GPLD1: variants seen among roughly 807,000 people sequenced by gnomAD.
The protein encoded by GPLD1 is phosphatidylinositol-glycan-specific phospholipase D.
GPLD1 carries 84 observed loss-of-function variants against 112.6 expected under a neutral mutation model. The ratio of observed to expected loss-of-function variants is 0.75; its 90% CI spans 0.63 to 0.89. GPLD1 has a LOEUF of 0.89. Ranked by LOEUF, GPLD1 falls within the 40% of genes least tolerant of loss-of-function variation. GPLD1 has a pLI of 0.00. For synonymous variants in GPLD1, 386 were observed against 403.8 expected (o/e 0.96, Z 0.53); for missense variants, 1,044 against 1,051.5 (o/e 0.99, Z 0.10).
At chr6:24,478,423 T>C (rs1022646900) in intron 3 of GPLD1, among the ~76,000 whole-genome samples, 1 of 152,116 alleles carries the variant, frequency 6.6e-6, no homozygotes, top group Non-Finnish European at 1.5e-5. Flanking sequence ...CATCACTGAA[T>C]TAAAGGAATG....
rs9467174 is a variant in GPLD1, at chr6:24,461,049, C to T, written c.888-650G>A. Among the ~76,000 whole-genome samples, 225 of 152,124 alleles carry T rather than the reference C, an allele frequency of 1.5e-3. 1 individual carries two copies. Among genetic ancestry groups the T allele is most frequent in the Middle Eastern group, 6.8e-3 (2 of 294 alleles). Reference sequence around the variant, plus strand: ...TGAGCCATCACGCCCAGCCAGCATACTGATTTATCTTCAAAGACATGCTAA... The same window carrying T: ...TGAGCCATCACGCCCAGCCAGCATATTGATTTATCTTCAAAGACATGCTAA... On this transcript the variant is annotated intron_variant, in intron 11 of 24. Coordinates refer to ENST00000230036, the MANE Select transcript of GPLD1 (RefSeq NM_001503.4).
chr6:24,438,113 G>A (rs954832114), intron 20 of GPLD1, among the ~76,000 whole-genome samples: 4 of 152,190 alleles, frequency 2.6e-5, no homozygotes, highest in Non-Finnish European at 5.9e-5. Context: ...AGTGCCTTCT[G>A]AATACCCACG....
chr6:24,468,424 A>G (rs114687023), intron 7 of GPLD1, among the ~76,000 whole-genome samples: 14,069 of 152,166 alleles, frequency 0.092, 883 homozygotes, highest in South Asian at 0.15. Flanking sequence ...TGTAAACTGC[A>G]TTTTCAGTGA....
At chr6:24,440,894 A>T (rs935110399) in intron 20 of GPLD1, among the ~76,000 whole-genome samples, 4 of 152,114 alleles carry the variant, frequency 2.6e-5, no homozygotes, top group African/African-American at 7.2e-5. Flanking sequence ...CATTTAGGCT[A>T]TTTCTAGCTT....
At chr6:24,482,284 CTTTT>C (rs1561858061) in intron 2 of GPLD1, among the ~76,000 whole-genome samples, 2 of 126,822 alleles carry the variant, frequency 1.6e-5, no homozygotes, top group South Asian at 4.3e-4. Context: ...TATTTTTTTT[CTTTT>C]TTTCTTTTTT....
chr6:24,454,149 C>T lies in GPLD1; in HGVS notation c.1201G>A (p.Gly401Ser), dbSNP rs1490888003. The change falls in exon 14 of 25, where the codon GGC becomes AGC. Residue 401 changes from glycine to serine, a missense_variant. Gly to Ser is a moderately conservative substitution (Grantham distance 56). Transcript: ENST00000230036. ...CCGGGGCGGCTGTAGCCTGGTGCGC[C>T]CACCACGAGGTCACCGTGCCCATCC... is the stretch of plus-strand genomic sequence containing the variant. Reference protein sequence around the residue: ...NQDGHGDLVVGAPGYSRPGHI... With the variant: ...NQDGHGDLVVSAPGYSRPGHI... 1.2e-6 allele frequency: 2 copies of T among 1,613,948 alleles called. No homozygotes were observed. Among genetic ancestry groups the T allele is most frequent in the Non-Finnish European group, 1.7e-6 (2 of 1,179,930 alleles).
chr6:24,457,178 A>C (rs1026282353), intron 12 of GPLD1, among the ~76,000 whole-genome samples: 2 of 152,178 alleles, frequency 1.3e-5, no homozygotes, highest in Non-Finnish European at 2.9e-5. Flanking sequence ...GGGGACTAAA[A>C]TTTTTTAAAA....
intron 20 of GPLD1, among the ~76,000 whole-genome samples, chr6:24,440,581 C>CAAAAAAAAAAAAAAA (rs58480061): frequency 8.4e-5 from 10 of 118,530 alleles, no homozygotes; most frequent in Non-Finnish European, 1.6e-4. Flanking sequence ...AAAAAATACT[C>CAAAAAAAAAAAAAAA]AAAAAAAAAA....
intron 1 of GPLD1, among the ~76,000 whole-genome samples, chr6:24,486,793 G>A (rs1220131673): frequency 1.4e-5 from 2 of 147,416 alleles, no homozygotes; most frequent in Non-Finnish European, 3.0e-5. Flanking sequence ...ACTCCAGCCT[G>A]GGCAACAGAG....
rs543801784 is a variant in GPLD1, at chr6:24,480,340, T to C, written c.154-381A>G. Reference sequence around the variant, plus strand: ...TTTTGTTGCTGTTGTTGTTTGTTTGTGTTTTGAGATGGAGTTTTGCTCTTT... The same window carrying C: ...TTTTGTTGCTGTTGTTGTTTGTTTGCGTTTTGAGATGGAGTTTTGCTCTTT... On this transcript the variant is annotated intron_variant, in intron 2 of 24. Transcript: ENST00000230036. Among the ~76,000 whole-genome samples, 7 of 152,312 alleles carry C rather than the reference T, an allele frequency of 4.6e-5. No individual in the cohort carries two copies. In the South Asian group the frequency reaches 1.4e-3, roughly 32 times the overall value.
chr6:24,494,350 G>A (rs1395154145), upstream of GPLD1, among the ~76,000 whole-genome samples: 1 of 152,174 alleles, frequency 6.6e-6, no homozygotes, highest in Non-Finnish European at 1.5e-5. Context: ...ATCCTAGTCT[G>A]TTTATTTCCA....
chr6:24,465,413 G>A (rs968965407), intron 10 of GPLD1, among the ~76,000 whole-genome samples: 6 of 150,970 alleles, frequency 4.0e-5, no homozygotes, highest in African/African-American at 1.2e-4. Context: ...GCAGTGGTGT[G>A]AGCCTGTGGT....
intron 10 of GPLD1, among the ~76,000 whole-genome samples, chr6:24,463,002 A>G (rs1009914150): frequency 8.5e-5 from 13 of 152,150 alleles, no homozygotes; most frequent in African/African-American, 3.1e-4. Context: ...AGGAAGGCTC[A>G]TGCTGCCAGT....
In GPLD1 at chr6:24,425,959, A is replaced by G. The variant is rs1277234392; in HGVS notation, c.*3073T>C. 1.3e-5 allele frequency: 2 copies of G among 152,200 alleles called. No homozygotes were observed. The highest frequency in any genetic ancestry group is 4.8e-5 in the African/African-American group (2 of 41,456). 9.4% of individuals were successfully genotyped at this position (152,200 alleles called of 1,614,324 possible). On this transcript the variant is annotated 3_prime_UTR_variant, in exon 25 of 25. Transcript: ENST00000230036. ...CTCATGACTTTAGTAATACCTACAGAGGTGAGCTAATGGATGGTACATGGA... is the reference window on the plus strand; with the variant it reads ...CTCATGACTTTAGTAATACCTACAGGGGTGAGCTAATGGATGGTACATGGA...
intron 22 of GPLD1, among the ~76,000 whole-genome samples, chr6:24,433,722 TC>T (rs1459073871): frequency 6.6e-6 from 1 of 151,932 alleles, no homozygotes; most frequent in Non-Finnish European, 1.5e-5. Flanking sequence ...CTCGAACTCC[TC>T]ACCTCAGGTG....
intron 18 of GPLD1, among the ~76,000 whole-genome samples, chr6:24,446,049 A>AG (rs1397013917): frequency 3.3e-5 from 5 of 151,992 alleles, no homozygotes; most frequent in South Asian, 2.1e-4. Flanking sequence ...CCCAACTGAC[A>AG]GGCCTCCCAG....
chr6:24,447,149 C>T (rs573113246), intron 17 of GPLD1, among the ~76,000 whole-genome samples, 170 bp from the exon 18 acceptor site: 1 of 152,242 alleles, frequency 6.6e-6, no homozygotes, highest in South Asian at 2.1e-4. Flanking sequence ...GTCATTGAAT[C>T]TCACTCTTCA....
At chr6:24,469,390 A>G (rs1159463358) in intron 7 of GPLD1, among the ~76,000 whole-genome samples, 1 of 124,768 alleles carries the variant, frequency 8.0e-6, no homozygotes, top group Non-Finnish European at 1.7e-5. Flanking sequence ...AATGTCCAAC[A>G]ATGATAGACT....
At chr6:24,465,581 G>GA (rs1165294355) in intron 10 of GPLD1, among the ~76,000 whole-genome samples, 1 of 151,530 alleles carries the variant, frequency 6.6e-6, no homozygotes, top group Non-Finnish European at 1.5e-5. Context: ...AAAAAAAAAA[G>GA]AAAAAGAAAG....
Sources: gnomAD v4.1 joint callset for allele counts (sites outside exome capture counted in the v4.1 genomes callset) on GRCh38, gnomAD v4.1.1 for gene constraint, MANE v1.5 for transcripts, NCBI Gene and HGNC (gene_info 2026-07-23, HGNC 2026-07-21) for gene names.